LZTS1: variants seen among roughly 807,000 people sequenced by gnomAD.
LZTS1 encodes leucine zipper putative tumor suppressor 1.
A neutral mutation model predicts 45.8 loss-of-function variants in LZTS1; 31 were observed. The ratio of observed to expected loss-of-function variants is 0.68; its 90% CI spans 0.51 to 0.91. LZTS1 has a LOEUF of 0.91. Ranked by LOEUF, LZTS1 falls within the 40% of genes least tolerant of loss-of-function variation. LZTS1 has a pLI of 0.00. For synonymous variants in LZTS1, 359 were observed against 357.3 expected, an observed-to-expected ratio of 1.00 and a Z score of -0.05; for missense variants, 821 against 788.9, an observed-to-expected ratio of 1.04 and a Z score of -0.49.
chr8:20,279,766 C>T lies in LZTS1; in HGVS notation c.-135+23974G>A, dbSNP rs555533065. 1.5e-4 allele frequency among the ~76,000 whole-genome samples: 22 copies of T among 150,476 alleles called. No homozygotes were observed. The South Asian group carries it at 1.5e-3, about 10-fold the overall frequency. On this transcript the variant is annotated intron_variant, in intron 1 of 3. Coordinates refer to ENST00000381569, the MANE Select transcript of LZTS1 (RefSeq NM_021020.5). ...CTTTGGGAGGCCAAAGTGAGCAGAT[C>T]GCTTGAGTTCAGGAGTTTGAGACCA...
intron 3 of LZTS1, 97 bp downstream of exon 3, chr8:20,252,685 T>C (rs1799960347): frequency 8.9e-7 from 1 of 1,124,108 alleles, no homozygotes; most frequent in South Asian, 2.3e-5. Flanking sequence ...GCCTGCGCGG[T>C]CTGTGTTTGC....
intron 1 of LZTS1, chr8:20,289,836 T>C (rs1019734134): frequency 6.6e-6 from 1 of 152,162 alleles, no homozygotes; most frequent in Non-Finnish European, 1.5e-5. Flanking sequence ...CAAGGTCAAG[T>C]GGGAGTTTAA....
Position 20,247,698 on chromosome 8 carries a change from G to C in LZTS1, c.*2024C>G, listed in dbSNP as rs1799772417. 1 of 152,350 alleles carries C rather than the reference G, an allele frequency of 6.6e-6. No individual in the cohort carries two copies. Among genetic ancestry groups the C allele is most frequent in the African/African-American group, 2.4e-5 (1 of 41,456 alleles). 9.4% of individuals were successfully genotyped at this position (152,350 alleles called of 1,614,324 possible). ...GGAAGGTAGAGCCAGCCACAGAAAA[G>C]GTGACTCTGGCCTCAGCCCGCACTC... On this transcript the variant is annotated 3_prime_UTR_variant, in exon 4 of 4. Coordinates refer to ENST00000381569, the MANE Select transcript of LZTS1 (RefSeq NM_021020.5).
intron 3 of LZTS1, among the ~76,000 whole-genome samples, chr8:20,251,359 C>G (rs11776427): frequency 0.48 from 72,966 of 150,880 alleles, 17,700 homozygotes; most frequent in Admixed American, 0.51. Context: ...GTCCCAAGCA[C>G]GCATCCTGGG....
chr8:20,277,919 AC>A (rs1800616326), intron 1 of LZTS1, among the ~76,000 whole-genome samples: 1 of 152,188 alleles, frequency 6.6e-6, no homozygotes, highest in South Asian at 2.1e-4. Flanking sequence ...GTGTGTGGAA[AC>A]ACTCCCATCT....
Position 20,252,864 on chromosome 8 carries a change from T to G in LZTS1, c.1067A>C (p.Gln356Pro). The G allele has an allele frequency of 6.2e-7, 1 of 1,609,860 alleles. No homozygotes were observed. The highest frequency in any genetic ancestry group is 8.5e-7 in the Non-Finnish European group (1 of 1,178,026). ...RQELESLMKE[Q>P]DLLETKLRSY... ...CCTGAGCTTGGTCTCCAGCAGGTCC[T>G]GCTCCTTCATGAGGCTCTCGAGCTC... Residue 356 changes from glutamine (Q) to proline (P), a missense_variant, in exon 3 of 4, where the codon CAG becomes CCG. Transcript: ENST00000381569.
intron 1 of LZTS1, among the ~76,000 whole-genome samples, chr8:20,300,030 C>G (rs1563905101): frequency 6.6e-6 from 1 of 152,208 alleles, no homozygotes; most frequent in Non-Finnish European, 1.5e-5. Context: ...CCTTCCATAA[C>G]TGTGCTTGTG....
At chr8:20,275,683 A>G (rs1055953329) in intron 1 of LZTS1, 1 of 152,234 alleles carries the variant, frequency 6.6e-6, no homozygotes, top group Non-Finnish European at 1.5e-5. Context: ...AGGGGTTAAG[A>G]CTGGGACTCC....
At chr8:20,267,182 G>C (rs1400153514) in intron 1 of LZTS1, among the ~76,000 whole-genome samples, 1 of 151,672 alleles carries the variant, frequency 6.6e-6, no homozygotes, top group East Asian at 2.0e-4. Flanking sequence ...AGGCACCCTG[G>C]TGGAGGATGC....
chr8:20,274,821 C>T (rs1800544162), intron 1 of LZTS1, among the ~76,000 whole-genome samples: 1 of 152,148 alleles, frequency 6.6e-6, no homozygotes, highest in Non-Finnish European at 1.5e-5. Context: ...ATTGGTGGCC[C>T]CACCTAAACT....
At chr8:20,272,539 C>G (rs1251034071) in intron 1 of LZTS1, among the ~76,000 whole-genome samples, 1 of 152,136 alleles carries the variant, frequency 6.6e-6, no homozygotes, top group Non-Finnish European at 1.5e-5. Flanking sequence ...TCAAGACCCC[C>G]TAGCTGCCCT....
chr8:20,276,583 C>T (rs1800588124), intron 1 of LZTS1, among the ~76,000 whole-genome samples: 1 of 152,200 alleles, frequency 6.6e-6, no homozygotes, highest in African/African-American at 2.4e-5. Flanking sequence ...CATCTGTATC[C>T]TTTGTAATAT....
intron 1 of LZTS1, among the ~76,000 whole-genome samples, chr8:20,270,342 C>T (rs1800447280): frequency 6.6e-6 from 1 of 152,224 alleles, no homozygotes; most frequent in Non-Finnish European, 1.5e-5. Flanking sequence ...GGCGCTGCTA[C>T]AAAAATACTC....
At chr8:20,290,615 A>C (rs774235056) in intron 1 of LZTS1, among the ~76,000 whole-genome samples, 1 of 152,190 alleles carries the variant, frequency 6.6e-6, no homozygotes, top group Non-Finnish European at 1.5e-5. Flanking sequence ...TCCAGTGCAG[A>C]ATTAGACTCT....
Position 20,252,990 on chromosome 8 carries a change from C to T in LZTS1, c.941G>A (p.Gly314Asp), listed in dbSNP as rs776604163. 20 of 1,588,388 alleles carry T rather than the reference C, an allele frequency of 1.3e-5. No homozygotes were observed. In the Admixed American group the frequency reaches 3.3e-4, roughly 26 times the overall value. Residue 314 changes from glycine to aspartate, a missense_variant, in exon 3 of 4, where the codon GGC becomes GAC. Coordinates refer to ENST00000381569, the MANE Select transcript of LZTS1 (RefSeq NM_021020.5). The part of the protein sequence containing the change: ...DELEGPEPKG[G>D]NKLKQASQKS... The stretch of plus-strand genomic sequence containing the variant: ...CTGCGAGGCCTGCTTGAGCTTGTTG[C>T]CGCCTTTGGGCTCCGGGCCCTCCAG...
At position 20,298,033 on chromosome 8, in the gene LZTS1, C is replaced by G. The variant is rs77388031; in HGVS notation, c.-135+5707G>C. Among the ~76,000 whole-genome samples, 411 of 152,082 alleles carry G rather than the reference C, an allele frequency of 2.7e-3. 2 individuals are homozygous for G. The highest frequency in any genetic ancestry group is 9.2e-3 in the African/African-American group (383 of 41,486). ...CTCAGCATTCCTCTTAAAAATCTTG[C>G]ATAAACTCTTTCACCTTTCTTTTTT... On this transcript the variant is annotated intron_variant, in intron 1 of 3. Transcript: ENST00000381569.
At chr8:20,286,341 T>C in intron 1 of LZTS1, among the ~76,000 whole-genome samples, 1 of 152,254 alleles carries the variant, frequency 6.6e-6, no homozygotes, top group Non-Finnish European at 1.5e-5. Context: ...TTGAACAGGC[T>C]AGGACATGCT....
rs535650206 is a variant in LZTS1, at chr8:20,261,444, C to T, written c.-134-6129G>A. 3.3e-5 allele frequency among the ~76,000 whole-genome samples: 5 copies of T among 152,234 alleles called. No individual in the cohort carries two copies. In the East Asian group the frequency reaches 9.7e-4, roughly 30 times the overall value. On this transcript the variant is annotated intron_variant, in intron 1 of 3. Transcript: ENST00000381569. ...ACTAGCCCACCTGCACTGTGGATGG[C>T]TGCTCCACCAGGACGGGGAGGGGCC...
In LZTS1 at chr8:20,253,148, G is replaced by C. The variant is rs1484857981; in HGVS notation, c.783C>G (p.Cys261Trp). Residue 261 changes from cysteine to tryptophan, a missense_variant, in exon 3 of 4, where the codon TGC (cysteine) becomes TGG (tryptophan). By Grantham distance (215) the Cys-to-Trp change is radical. Transcript: ENST00000381569. ...CVRSPISTDE[C>W]SIQELEQKLL... ...GCTTCTGCTCCAGCTCCTGGATGCT[G>C]CACTCGTCCGTGGAGATGGGGGAGC... 6.2e-7 allele frequency: 1 copy of C among 1,613,218 alleles called. No individual in the cohort carries two copies. Among genetic ancestry groups the C allele is most frequent in the Admixed American group, 1.7e-5 (1 of 60,034 alleles).
Sources: allele counts gnomAD v4.1 joint callset (sites outside exome capture counted in the v4.1 genomes callset), GRCh38; gene constraint gnomAD v4.1.1; transcripts MANE v1.5; gene names NCBI Gene and HGNC (gene_info 2026-07-23, HGNC 2026-07-21).